The following FBN2 variants were observed in gnomAD, a reference collection of about 807,000 sequenced individuals.
FBN2 encodes the protein fibrillin 2.
A neutral mutation model predicts 355.6 loss-of-function variants in FBN2; 105 were observed. The observed-to-expected ratio is 0.30, with a 90% CI of 0.25 to 0.35. FBN2 has a LOEUF of 0.35. Ranked by LOEUF, FBN2 falls within the 10% of genes least tolerant of loss-of-function variation. The probability of loss-of-function intolerance (pLI) is 1.00; values close to 1 mark genes in which losing one functional copy is unlikely to be tolerated. For synonymous variants in FBN2, 1,350 were observed against 1,301.2 expected, an observed-to-expected ratio of 1.04 and a Z score of -0.81; for missense variants, 3,280 against 3,758.7, an observed-to-expected ratio of 0.87 and a Z score of 3.33.
At chr5:128,295,434 C>T (rs1749476545) in intron 48 of FBN2, among the ~76,000 whole-genome samples, 1 of 150,850 alleles carries the variant, frequency 6.6e-6, no homozygotes. Flanking sequence ...GGCAGTATGG[C>T]CATTTTCACA....
intron 7 of FBN2, among the ~76,000 whole-genome samples, chr5:128,426,046 G>C (rs1194688111): frequency 2.0e-5 from 3 of 152,084 alleles, no homozygotes; most frequent in Non-Finnish European, 4.4e-5. Flanking sequence ...CTAATGCTTT[G>C]CCTGTAAACC....
At chr5:128,533,045 TAA>T (rs1319387316) in intron 2 of FBN2, among the ~76,000 whole-genome samples, 1 of 151,734 alleles carries the variant, frequency 6.6e-6, no homozygotes, top group Non-Finnish European at 1.5e-5. Flanking sequence ...CTCAAATTAA[TAA>T]AAAAAGAAAA....
intron 3 of FBN2, among the ~76,000 whole-genome samples, chr5:128,529,015 G>A (rs1204194509): frequency 6.6e-6 from 1 of 152,236 alleles, no homozygotes; most frequent in African/African-American, 2.4e-5. Context: ...TGGGTGGATG[G>A]CAGAGCCATT....
rs774698534 is a variant in FBN2, at chr5:128,301,405, G to T, written c.6023C>A (p.Thr2008Asn). The change falls in exon 47 of 65, where the codon ACC becomes AAC. Residue 2008 changes from threonine to asparagine, a missense_variant. Thr to Asn is a moderately conservative substitution (Grantham distance 65). Around this residue, in one of 6 missense-constraint regions of FBN2, gnomAD observed 2,284 missense variants for 2,749.5 expected, o/e 0.83. Transcript: ENST00000262464. Reference protein sequence around the residue: ...KCLCNEGYELTPDGKNCIDTN... With the variant: ...KCLCNEGYELNPDGKNCIDTN... ...ACCTATACAGTTTTTGCCATCTGGG[G>T]TAAGTTCATAACCTTCGTTACATAG... 1.2e-6 allele frequency: 2 copies of T among 1,613,250 alleles called. No individual in the cohort carries two copies. Among genetic ancestry groups the T allele is most frequent in the South Asian group, 1.1e-5 (1 of 91,048 alleles).
chr5:128,337,467 T>C (rs1009768084), intron 27 of FBN2, among the ~76,000 whole-genome samples: 2 of 152,130 alleles, frequency 1.3e-5, no homozygotes, highest in African/African-American at 4.8e-5. Flanking sequence ...TGAAAAGCAA[T>C]AGGTTGCAAC....
intron 34 of FBN2, chr5:128,328,200 A>G (rs938488808): frequency 4.9e-6 from 1 of 203,858 alleles, no homozygotes; most frequent in African/African-American, 2.4e-5. Context: ...CACTTAGAAT[A>G]AGGAACCACT....
chr5:128,285,379 T>C (rs1270478069), intron 55 of FBN2, among the ~76,000 whole-genome samples: 1 of 152,204 alleles, frequency 6.6e-6, no homozygotes, highest in Non-Finnish European at 1.5e-5. Context: ...ACAAAGAGTT[T>C]TGTGATGATC....
At chr5:128,360,391 A>G (rs1257918777) in intron 19 of FBN2, among the ~76,000 whole-genome samples, 3 of 152,018 alleles carry the variant, frequency 2.0e-5, no homozygotes, top group Non-Finnish European at 4.4e-5. Context: ...GATATTTCAA[A>G]CTCTTAAGTG....
rs764459782 is a variant in FBN2, at chr5:128,261,865, C to G, written c.8235G>C (p.Leu2745=). 6.2e-7 allele frequency: 1 copy of G among 1,614,120 alleles called. No homozygotes were observed. The highest frequency in any genetic ancestry group is 1.1e-5 in the South Asian group (1 of 91,086). The part of the protein sequence containing the change: ...SGMGFNKGQY[L]SLDTEVDEEN... ...CCTCATCGACCTCTGTATCCAGTGA[C>G]AGGTACTGCCCCTTGTTAAATCCCA... Residue 2745 remains leucine (L), a synonymous_variant, in exon 64 of 65, where the codon CTG becomes CTC. Transcript: ENST00000262464.
chr5:128,512,512 C>CAAA (rs1158661549), intron 5 of FBN2, among the ~76,000 whole-genome samples: 6,536 of 60,286 alleles, frequency 0.11, 360 homozygotes, highest in Non-Finnish European at 0.15. Flanking sequence ...GAACCCGTCT[C>CAAA]AAAAAAAAAA....
chr5:128,264,565 G>A (rs1044605617), intron 62 of FBN2, among the ~76,000 whole-genome samples: 6 of 152,150 alleles, frequency 3.9e-5, no homozygotes, highest in Non-Finnish European at 8.8e-5. Flanking sequence ...GAGATTATAA[G>A]TTTGCCTTAA....
chr5:128,283,007 T>A (rs1341984001), intron 55 of FBN2, among the ~76,000 whole-genome samples: 1 of 152,170 alleles, frequency 6.6e-6, no homozygotes, highest in Non-Finnish European at 1.5e-5. Context: ...TAAAATGACA[T>A]TACACACTCA....
At chr5:128,434,587 C>CCTCTCTCT (rs143527483) in intron 7 of FBN2, among the ~76,000 whole-genome samples, 1 of 147,308 alleles carries the variant, frequency 6.8e-6, no homozygotes, top group African/African-American at 2.5e-5. Flanking sequence ...AGAAAGGTTC[C>CCTCTCTCT]CTCTCTCTCT....
chr5:128,266,361 A>C (rs1272602316), intron 62 of FBN2, among the ~76,000 whole-genome samples: 2 of 152,120 alleles, frequency 1.3e-5, no homozygotes, highest in Non-Finnish European at 2.9e-5. Flanking sequence ...TTAGTTTTGG[A>C]CTCATCTTAA....
chr5:128,334,526 G>T (rs1323202021), intron 31 of FBN2, among the ~76,000 whole-genome samples, 193 bp downstream of exon 31: 1 of 151,996 alleles, frequency 6.6e-6, no homozygotes, highest in Non-Finnish European at 1.5e-5. Flanking sequence ...ACGGTGGGTG[G>T]CTCAGACAGC....
Position 128,446,516 on chromosome 5 carries a change from C to G in FBN2, c.917G>C (p.Gly306Ala). Reference protein sequence around the residue: ...VGSFECRCPAGHKQSETTQKC... With the variant: ...VGSFECRCPAAHKQSETTQKC... ...CTGAGTAGTTTCACTCTGTTTGTGACCAGCAGGGCATCTGCATTCAAAAGA... is the reference window on the plus strand; with the variant it reads ...CTGAGTAGTTTCACTCTGTTTGTGAGCAGCAGGGCATCTGCATTCAAAAGA... Residue 306 changes from glycine to alanine, a missense_variant, in exon 7 of 65, where the codon GGT (glycine) becomes GCT (alanine). By Grantham distance (60) the Gly-to-Ala change is moderately conservative (BLOSUM62 0). Transcript: ENST00000262464. The G allele has an allele frequency of 6.2e-7, 1 of 1,613,996 alleles. No homozygotes were observed. Among genetic ancestry groups the G allele is most frequent in the Admixed American group, 1.7e-5 (1 of 60,020 alleles).
Position 128,526,605 on chromosome 5 carries a change from C to A in FBN2, c.532+1267G>T, listed in dbSNP as rs764518043. On this transcript the variant is annotated intron_variant, in intron 4 of 64. Transcript: ENST00000262464. ...AAAACACGGATGAACCTTGAGGGCA[C>A]TATGCTAAGTATAACAAACCAGTCA... Among the ~76,000 whole-genome samples, 191 of 152,196 alleles carry A rather than the reference C, an allele frequency of 1.3e-3. 1 individual carries two copies. The highest frequency in any genetic ancestry group is 1.9e-3 in the Non-Finnish European group (128 of 68,004).
At chr5:128,398,754 T>A (rs567557509) in intron 8 of FBN2, among the ~76,000 whole-genome samples, 1 of 152,182 alleles carries the variant, frequency 6.6e-6, no homozygotes, top group African/African-American at 2.4e-5. Flanking sequence ...AATTCCCACA[T>A]GTTGTGGGAG....
At position 128,446,452 on chromosome 5, in the gene FBN2, G is replaced by C. The variant is rs370120353; in HGVS notation, c.952+29C>G. The stretch of plus-strand genomic sequence containing the variant: ...TTTTCTTGCATTAAAGTCACAATTA[G>C]GCATGCTTCCCAAAGTAGAGAGACT... On this transcript the variant is annotated intron_variant, in intron 7 of 64. Coordinates refer to ENST00000262464, the MANE Select transcript of FBN2 (RefSeq NM_001999.4). 36 of 1,611,370 alleles carry C rather than the reference G, an allele frequency of 2.2e-5. No homozygotes were observed. The African/African-American group carries it at 4.4e-4, about 20-fold the overall frequency.
Sources: gnomAD v4.1 joint callset for allele counts (sites outside exome capture counted in the v4.1 genomes callset) on GRCh38, gnomAD v4.1.1 for gene constraint, gnomAD v4.1.1 regional missense constraint, MANE v1.5 for transcripts, NCBI Gene and HGNC (gene_info 2026-07-23, HGNC 2026-07-21) for gene names.